GTPBP3: variants seen among roughly 807,000 people sequenced by gnomAD.
GTPBP3 encodes 5-taurinomethyluridine-[tRNA] synthase subunit GTPB3, mitochondrial.
GTPBP3 carries 35 observed loss-of-function variants against 42.0 expected under a neutral mutation model. The ratio of observed to expected loss-of-function variants is 0.83; its 90% CI spans 0.64 to 1.10. GTPBP3 has a LOEUF of 1.10. Ranked by LOEUF, GTPBP3 falls within the 50% of genes least tolerant of loss-of-function variation. The probability of loss-of-function intolerance (pLI) is 0.00; values close to 1 mark genes in which losing one functional copy is unlikely to be tolerated. For synonymous variants in GTPBP3, 332 were observed against 314.9 expected (o/e 1.05, Z -0.58); for missense variants, 691 against 685.2 (o/e 1.01, Z -0.09).
At chr19:17,336,227 C>A (rs2074366257), upstream of GTPBP3, among the ~76,000 whole-genome samples, 1 of 128,446 alleles carries the variant, frequency 7.8e-6, no homozygotes, top group Non-Finnish European at 1.6e-5. Flanking sequence ...CAGAGCGAGA[C>A]CCCGTCTCAA....
chr19:17,338,677 C>T lies in GTPBP3; in HGVS notation c.527C>T (p.Ala176Val). 6.2e-7 allele frequency: 1 copy of T among 1,613,640 alleles called. No homozygotes were observed. Among genetic ancestry groups the T allele is most frequent in the African/African-American group, 1.3e-5 (1 of 75,062 alleles). Residue 176 changes from alanine to valine, a missense_variant, in exon 4 of 9, where the codon GCC becomes GTC. Transcript: ENST00000324894. Reference sequence around the variant, plus strand: ...GAAACAGAGGCGCAGCGGCGGCAGGCCCTCAGGCAGCTGGACGGAGAGCTG... The same window carrying T: ...GAAACAGAGGCGCAGCGGCGGCAGGTCCTCAGGCAGCTGGACGGAGAGCTG... The part of the protein sequence containing the change: ...HAETEAQRRQ[A>V]LRQLDGELGH...
chr19:17,337,407 A>C (rs890731823), upstream of GTPBP3: 4 of 1,096,704 alleles, frequency 3.6e-6, no homozygotes, highest in African/African-American at 6.5e-5. Context: ...CTACCTCCAT[A>C]CCGCCTCCCG....
chr19:17,338,745 A>C lies in GTPBP3; in HGVS notation c.591+4A>C. Reference sequence around the variant, plus strand: ...CTGGGCCGAGACCCTCACCAAAGCAAGTCCCCCATTTGTCCATTCTCTCCC... The same window carrying C: ...CTGGGCCGAGACCCTCACCAAAGCACGTCCCCCATTTGTCCATTCTCTCCC... On this transcript the variant is annotated splice_donor_region_variant and intron_variant, in intron 4 of 8. Coordinates refer to ENST00000324894, the MANE Select transcript of GTPBP3 (RefSeq NM_032620.4). 2 of 1,603,028 alleles carry C rather than the reference A, an allele frequency of 1.2e-6. No individual in the cohort carries two copies. Among genetic ancestry groups the C allele is most frequent in the Non-Finnish European group, 1.7e-6 (2 of 1,172,806 alleles).
At chr19:17,337,884 T>C in intron 1 of GTPBP3, 124 bp from the exon 2 acceptor site, 1 of 1,341,652 alleles carries the variant, frequency 7.5e-7, no homozygotes, top group Non-Finnish European at 1.0e-6. Context: ...AACATCCAAT[T>C]TGTGCATCCC....
chr19:17,335,816 TTGTTACAGATGTAACAACTA>T (rs1568364333), upstream of GTPBP3, among the ~76,000 whole-genome samples: 3 of 125,560 alleles, frequency 2.4e-5, no homozygotes, highest in Admixed American at 1.6e-4. Flanking sequence ...TGCTGTACGC[TTGTTACAGATGTAACAACTA>T]GCTTGTTACA....
chr19:17,335,136 G>A, upstream of GTPBP3: 2 of 1,535,826 alleles, frequency 1.3e-6, no homozygotes, highest in Non-Finnish European at 8.7e-7. Context: ...AGTTGACTAA[G>A]GGAGGACGTG....
In GTPBP3 at chr19:17,341,531, A is replaced by G; in HGVS notation, c.1307A>G (p.His436Arg). Residue 436 changes from histidine (H) to arginine (R), a missense_variant, in exon 9 of 9, where the codon CAC (histidine) becomes CGC (arginine). Coordinates refer to ENST00000324894, the MANE Select transcript of GTPBP3 (RefSeq NM_032620.4). Reference protein sequence around the residue: ...PPLLTRARHQHHLQGCLDALG... With the variant: ...PPLLTRARHQRHLQGCLDALG... ...CTGCTGACCCGAGCAAGGCACCAGCACCACCTCCAGGGTTGCCTGGATGCC... is the reference window on the plus strand; with the variant it reads ...CTGCTGACCCGAGCAAGGCACCAGCGCCACCTCCAGGGTTGCCTGGATGCC... The G allele has an allele frequency of 6.2e-7, 1 of 1,613,740 alleles. No individual in the cohort carries two copies. Among genetic ancestry groups the G allele is most frequent in the Non-Finnish European group, 8.5e-7 (1 of 1,179,948 alleles).
rs1414285372 is a variant in GTPBP3, at chr19:17,338,040, C to T, written c.86C>T (p.Ala29Val). Reference sequence around the variant, plus strand: ...ACGCGCCGGAGCAGCGGCGCACCAGCCCCCGGCTCCGGCGCCACCATCTTC... The same window carrying T: ...ACGCGCCGGAGCAGCGGCGCACCAGTCCCCGGCTCCGGCGCCACCATCTTC... ...LCTRRSSGAP[A>V]PGSGATIFAL... Residue 29 changes from alanine (A) to valine (V), a missense_variant, in exon 2 of 9, where the codon GCC (alanine) becomes GTC (valine). Coordinates refer to ENST00000324894, the MANE Select transcript of GTPBP3 (RefSeq NM_032620.4). 8.1e-6 allele frequency: 13 copies of T among 1,597,706 alleles called. No homozygotes were observed. Among genetic ancestry groups the T allele is most frequent in the African/African-American group, 1.3e-5 (1 of 74,896 alleles).
chr19:17,338,130 G>C lies in GTPBP3; in HGVS notation c.176G>C (p.Gly59Ala). The C allele has an allele frequency of 1.3e-6, 2 of 1,596,246 alleles. No homozygotes were observed. The highest frequency in any genetic ancestry group is 2.2e-5 in the South Asian group (2 of 90,770). ...AVIRTSGPAS[G>A]HALRILTAPR... The stretch of plus-strand genomic sequence containing the variant: ...ATCCGGACCAGCGGCCCCGCCAGCG[G>C]CCACGCCCTCCGAATTCTCACAGCA... The change falls in exon 2 of 9, where the codon GGC (glycine) becomes GCC (alanine). Residue 59 changes from glycine (G) to alanine (A), a missense_variant. Transcript: ENST00000324894.
chr19:17,340,814 G>C (rs927789644), intron 7 of GTPBP3: 8 of 419,380 alleles, frequency 1.9e-5, no homozygotes, highest in Non-Finnish European at 2.5e-5. Context: ...CGCTCCTCTT[G>C]CTCTGCCCTT....
Position 17,342,066 on chromosome 19 carries a change from T to G in GTPBP3, c.*363T>G. The G allele has an allele frequency of 6.8e-6, 1 of 146,206 alleles. No homozygotes were observed. Among genetic ancestry groups the G allele is most frequent in the Admixed American group, 8.7e-5 (1 of 11,438 alleles). 9.1% of individuals were successfully genotyped at this position (146,206 alleles called of 1,614,324 possible). A position where few individuals can be genotyped will look rare whatever the true frequency, so the allele number is the denominator to read the frequency against. On this transcript the variant is annotated 3_prime_UTR_variant, in exon 9 of 9. Transcript: ENST00000324894. ...GTTTATTTTCTTCCCTTCCCTTCCC[T>G]TCCCTTTCCTTTTCCCTTTCCCTTT...
chr19:17,337,871 C>A, intron 1 of GTPBP3, 137 bp from the exon 2 acceptor site: 1 of 1,294,698 alleles, frequency 7.7e-7, no homozygotes, highest in Non-Finnish European at 1.0e-6. Context: ...CTTCGGCCTT[C>A]AGAACATCCA....
chr19:17,338,233 C>A lies in GTPBP3; in HGVS notation c.279C>A (p.Arg93=). Residue 93 remains arginine, a synonymous_variant, in exon 2 of 9, where the codon CGC becomes CGA. Transcript: ENST00000324894. ...CCCGCTCCGGGGAGCCTCTGGACCG[C>A]GCACTGGTGCTCTGGTTCCCAGGTG... ...SDPRSGEPLD[R]ALVLWFPGPQ... 1 of 1,585,084 alleles carries A rather than the reference C, an allele frequency of 6.3e-7. No individual in the cohort carries two copies.
At chr19:17,337,876 C>T (rs780794667) in intron 1 of GTPBP3, 132 bp from the exon 2 acceptor site, 9 of 1,310,152 alleles carry the variant, frequency 6.9e-6, no homozygotes, top group Non-Finnish European at 9.3e-6. Flanking sequence ...GCCTTCAGAA[C>T]ATCCAATTTG....
At chr19:17,341,381 A>G in intron 8 of GTPBP3, 59 bp downstream of exon 8, 1 of 1,553,564 alleles carries the variant, frequency 6.4e-7, no homozygotes, top group Non-Finnish European at 8.7e-7. Context: ...GGGTCCCTCA[A>G]CTTCAATTTC....
chr19:17,337,975 A>G, intron 1 of GTPBP3, 33 bp from the exon 2 acceptor site: 1 of 1,592,506 alleles, frequency 6.3e-7, no homozygotes, highest in Non-Finnish European at 8.5e-7. Context: ...TGAGCCTCCC[A>G]GGTGCGCTGA....
At chr19:17,339,295 C>A in intron 6 of GTPBP3, 29 bp downstream of exon 6, 1 of 1,587,880 alleles carries the variant, frequency 6.3e-7, no homozygotes, top group Non-Finnish European at 8.6e-7. Flanking sequence ...GGGGGCGGGG[C>A]CTAGTGCCAG....
At chr19:17,340,239 G>T (rs894810828) in intron 7 of GTPBP3, among the ~76,000 whole-genome samples, 3 of 151,912 alleles carry the variant, frequency 2.0e-5, no homozygotes, top group Non-Finnish European at 4.4e-5. Flanking sequence ...GTTTCACCAT[G>T]TTGGCCAGGC....
At chr19:17,337,105 C>G (rs953276250), upstream of GTPBP3, 15 of 153,208 alleles carry the variant, frequency 9.8e-5, no homozygotes, top group South Asian at 2.7e-3. Flanking sequence ...GTACTCGTCC[C>G]TCCCGGTCAC....
Sources: allele counts gnomAD v4.1 joint callset (sites outside exome capture counted in the v4.1 genomes callset), GRCh38; gene constraint gnomAD v4.1.1; transcripts MANE v1.5; gene names NCBI Gene and HGNC (gene_info 2026-07-23, HGNC 2026-07-21).